GSE1: variants seen among roughly 807,000 people sequenced by gnomAD.
The protein encoded by GSE1 is genetic suppressor element 1.
Under a neutral mutation model 112.6 loss-of-function variants are expected in GSE1, and 32 were observed. The observed-to-expected ratio is 0.28, with a 90% CI of 0.21 to 0.38. GSE1 has a LOEUF of 0.38. Ranked by LOEUF, GSE1 falls within the 10% of genes least tolerant of loss-of-function variation. GSE1 has a pLI of 1.00. For synonymous variants in GSE1, 1,115 were observed against 735.6 expected, an observed-to-expected ratio of 1.52 and a Z score of -8.35; for missense variants, 2,348 against 1,699.2, an observed-to-expected ratio of 1.38 and a Z score of -6.71.
At chr16:85,227,967 G>T (rs1396468260) in intron 1 of GSE1, among the ~76,000 whole-genome samples, 1 of 152,208 alleles carries the variant, frequency 6.6e-6, no homozygotes, top group Admixed American at 6.5e-5. Context: ...GAGTGAAACA[G>T]GGAATACCTC....
At chr16:85,618,655 C>T (rs1033580801) in intron 1 of GSE1, among the ~76,000 whole-genome samples, 4 of 152,256 alleles carry the variant, frequency 2.6e-5, no homozygotes, top group Non-Finnish European at 5.9e-5. Flanking sequence ...GCGGCTACTC[C>T]TGTTGCTGTT....
chr16:85,287,942 T>C (rs1441511350), intron 1 of GSE1, among the ~76,000 whole-genome samples: 2 of 152,180 alleles, frequency 1.3e-5, no homozygotes, highest in Non-Finnish European at 2.9e-5. Context: ...GAGATCATCA[T>C]GAAATAAGCG....
At chr16:85,408,162 C>G (rs1597644682) in intron 2 of GSE1, among the ~76,000 whole-genome samples, 3 of 42,540 alleles carry the variant, frequency 7.1e-5, no homozygotes, top group Admixed American at 1.8e-4. Context: ...ACTCAGGGCC[C>G]CCCGGATAAT....
intron 2 of GSE1, among the ~76,000 whole-genome samples, chr16:85,422,945 C>T (rs1306595807): frequency 6.6e-6 from 1 of 152,180 alleles, no homozygotes; most frequent in Non-Finnish European, 1.5e-5. Context: ...CAACAGATTG[C>T]ACAAACCCCA....
chr16:85,448,838 C>T (rs1193406990), intron 2 of GSE1, among the ~76,000 whole-genome samples: 1 of 152,244 alleles, frequency 6.6e-6, no homozygotes, highest in African/African-American at 2.4e-5. Context: ...AGCCGAGCCT[C>T]TCCCAGGGCC....
intron 1 of GSE1, among the ~76,000 whole-genome samples, chr16:85,291,678 C>T (rs1052386035): frequency 2.0e-5 from 3 of 152,168 alleles, no homozygotes; most frequent in African/African-American, 7.2e-5. Context: ...GGGCCCCTGA[C>T]CCCGGGGAGA....
intron 1 of GSE1, among the ~76,000 whole-genome samples, chr16:85,617,070 T>A (rs1348248725): frequency 1.3e-5 from 2 of 152,228 alleles, no homozygotes; most frequent in Non-Finnish European, 2.9e-5. Flanking sequence ...CTCCTGCGTT[T>A]GGCCACGTCC....
At chr16:85,655,356 G>A (rs1005129956) in intron 5 of GSE1, among the ~76,000 whole-genome samples, 3 of 152,228 alleles carry the variant, frequency 2.0e-5, no homozygotes, top group Non-Finnish European at 2.9e-5. Flanking sequence ...TGGGTCCGTG[G>A]AGAAGCTCTG....
chr16:85,355,326 G>A (rs114905607), intron 1 of GSE1, among the ~76,000 whole-genome samples: 2,002 of 152,262 alleles, frequency 0.013, 34 homozygotes, highest in African/African-American at 0.039. Context: ...CAACCCCCAC[G>A]ACAGGGACCT....
At chr16:85,444,981 G>C (rs560932464) in intron 2 of GSE1, among the ~76,000 whole-genome samples, 2 of 152,196 alleles carry the variant, frequency 1.3e-5, no homozygotes, top group Admixed American at 6.5e-5. Flanking sequence ...CGCCGGCTCC[G>C]CAGCAGCCAG....
At chr16:85,636,954 A>C (rs1028343568) in intron 2 of GSE1, among the ~76,000 whole-genome samples, 1 of 152,084 alleles carries the variant, frequency 6.6e-6, no homozygotes, top group Non-Finnish European at 1.5e-5. Context: ...CTACCTCCCC[A>C]TCTGCGCCAG....
At chr16:85,554,164 G>C (rs1355539849), upstream of GSE1, among the ~76,000 whole-genome samples, 2 of 152,134 alleles carry the variant, frequency 1.3e-5, 1 homozygote, top group African/African-American at 4.8e-5. Flanking sequence ...TTAAGGAGAG[G>C]GTGGGGGGAC....
At chr16:85,495,380 G>A (rs767788494) in intron 2 of GSE1, among the ~76,000 whole-genome samples, 1 of 152,174 alleles carries the variant, frequency 6.6e-6, no homozygotes, top group African/African-American at 2.4e-5. Flanking sequence ...GACAAAGGCC[G>A]ATACTGTCTT....
intron 1 of GSE1, among the ~76,000 whole-genome samples, chr16:85,282,509 G>T (rs2044886727): frequency 6.6e-6 from 1 of 152,184 alleles, no homozygotes; most frequent in Non-Finnish European, 1.5e-5. Flanking sequence ...CCCGGTGAGG[G>T]CTGGAAATTC....
chr16:85,235,346 C>T (rs1320614879), intron 1 of GSE1, among the ~76,000 whole-genome samples: 1 of 151,590 alleles, frequency 6.6e-6, no homozygotes, highest in Non-Finnish European at 1.5e-5. Context: ...GTTCTGGCCC[C>T]CTCACCCCCC....
At chr16:85,350,578 G>C (rs574904292) in intron 1 of GSE1, among the ~76,000 whole-genome samples, 4 of 151,984 alleles carry the variant, frequency 2.6e-5, no homozygotes, top group Non-Finnish European at 5.9e-5. Flanking sequence ...AGGCCAAGAC[G>C]CCTTCCCCAG....
intron 2 of GSE1, among the ~76,000 whole-genome samples, chr16:85,375,770 CACA>C (rs1448365821): frequency 1.3e-5 from 2 of 152,210 alleles, no homozygotes; most frequent in Non-Finnish European, 2.9e-5. Context: ...GCTCCGTAGC[CACA>C]CTGCCCGCCT....
chr16:85,516,606 A>G (rs1388912870), intron 2 of GSE1, among the ~76,000 whole-genome samples: 1 of 148,522 alleles, frequency 6.7e-6, no homozygotes, highest in African/African-American at 2.5e-5. Context: ...AAAAAAAAAA[A>G]GATTTAAGAA....
rs142139188 is a variant in GSE1, at chr16:85,621,012, C to T, written c.7+7614C>T. Among the ~76,000 whole-genome samples the T allele has an allele frequency of 5.2e-3, 797 of 151,960 alleles. 8 individuals carry two copies. Among genetic ancestry groups the T allele is most frequent in the African/African-American group, 0.018 (749 of 41,384 alleles). ...GGGGTCTCTGCTGTGTTGGGGAATC[C>T]GTTTAGATGGTCTCAGCCCTGGGTC... On this transcript the variant is annotated intron_variant, in intron 1 of 15. Coordinates refer to ENST00000253458, the MANE Select transcript of GSE1 (RefSeq NM_014615.5).
Sources: allele counts gnomAD v4.1 joint callset (sites outside exome capture counted in the v4.1 genomes callset), GRCh38; gene constraint gnomAD v4.1.1; transcripts MANE v1.5; gene names NCBI Gene and HGNC (gene_info 2026-07-23, HGNC 2026-07-21).